AXDND1: variants seen among roughly 807,000 people sequenced by gnomAD.
AXDND1 encodes axonemal dynein light chain domain-containing protein 1.
Under a neutral mutation model 137.5 loss-of-function variants are expected in AXDND1, and 110 were observed. The ratio of observed to expected loss-of-function variants is 0.80; its 90% CI spans 0.69 to 0.94. The LOEUF (loss-of-function observed/expected upper bound fraction) is 0.94. Among genes scored for constraint, AXDND1 ranks in the 40% least tolerant of loss-of-function variants. The probability of loss-of-function intolerance (pLI) is 0.00; values close to 1 mark genes in which losing one functional copy is unlikely to be tolerated. For synonymous variants in AXDND1, 414 were observed against 399.7 expected (o/e 1.04, Z -0.43); for missense variants, 1,191 against 1,169.8 (o/e 1.02, Z -0.26).
intron 16 of AXDND1, chr1:179,448,632 G>A (rs559237263): frequency 4.1e-5 from 10 of 245,132 alleles, no homozygotes; most frequent in East Asian, 2.4e-4. Flanking sequence ...CGCCGCCAGC[G>A]CTCCGCACTG....
At position 179,383,504 on chromosome 1, in the gene AXDND1, G is replaced by C; in HGVS notation, c.701G>C (p.Arg234Thr). ...LNDVMDTMLE[R>T]AGVENQEYTG... ...GATGTGATGGATACTATGCTAGAGA[G>C]GGCTGGTGTGGAAAATCAGGAATAT... The change falls in exon 8 of 26, where the codon AGG becomes ACG. Residue 234 changes from arginine (R) to threonine (T), a missense_variant. Transcript: ENST00000367618. The C allele has an allele frequency of 4.3e-6, 7 of 1,614,018 alleles. No individual in the cohort carries two copies. Among genetic ancestry groups the C allele is most frequent in the Non-Finnish European group, 5.9e-6 (7 of 1,179,932 alleles).
intron 25 of AXDND1, chr1:179,552,560 GC>G: frequency 6.7e-7 from 1 of 1,485,726 alleles, no homozygotes; most frequent in Non-Finnish European, 9.4e-7. Context: ...CCACGAGCAG[GC>G]CTTCCTAAAG....
chr1:179,462,702 T>A (rs901966545), intron 16 of AXDND1, among the ~76,000 whole-genome samples: 1 of 152,200 alleles, frequency 6.6e-6, no homozygotes, highest in East Asian at 1.9e-4. Flanking sequence ...AATTATTGCC[T>A]CAATTTCAGA....
intron 19 of AXDND1, among the ~76,000 whole-genome samples, chr1:179,492,215 C>T (rs1239986900): frequency 6.6e-6 from 1 of 152,086 alleles, no homozygotes; most frequent in East Asian, 1.9e-4. Flanking sequence ...CTGGGATTTA[C>T]AGGCATGCAC....
intron 16 of AXDND1, chr1:179,451,262 T>G (rs1660505251): frequency 6.6e-6 from 1 of 152,124 alleles, no homozygotes; most frequent in Admixed American, 6.5e-5. Context: ...CTTAACCTGC[T>G]CTTTAAGAGG....
chr1:179,551,754 A>G (rs891853778), intron 25 of AXDND1: 1 of 389,646 alleles, frequency 2.6e-6, no homozygotes, highest in Non-Finnish European at 4.7e-6. Context: ...AGAAAAGATT[A>G]GCCAGCATTC....
At chr1:179,396,779 G>A (rs1651145711) in intron 11 of AXDND1, among the ~76,000 whole-genome samples, 1 of 152,014 alleles carries the variant, frequency 6.6e-6, no homozygotes, top group Admixed American at 6.6e-5. Flanking sequence ...TATAATTTAT[G>A]TATTAATGTA....
chr1:179,452,406 C>G (rs918903440), intron 16 of AXDND1: 2 of 151,730 alleles, frequency 1.3e-5, no homozygotes, highest in Admixed American at 1.3e-4. Context: ...AAAGAAAATC[C>G]CGCCGGGCGC....
chr1:179,512,768 G>A (rs1256803097), intron 21 of AXDND1, among the ~76,000 whole-genome samples: 1 of 151,956 alleles, frequency 6.6e-6, no homozygotes, highest in Non-Finnish European at 1.5e-5. Flanking sequence ...TCCTTATAGA[G>A]GTCTTTTGCC....
At chr1:179,512,179 A>G (rs1325481151) in intron 21 of AXDND1, among the ~76,000 whole-genome samples, 2 of 152,048 alleles carry the variant, frequency 1.3e-5, no homozygotes, top group Non-Finnish European at 2.9e-5. Context: ...TTATGTCTAG[A>G]ATTTTTATAG....
chr1:179,538,639 G>A (rs1671786238), intron 25 of AXDND1, among the ~76,000 whole-genome samples: 3 of 152,170 alleles, frequency 2.0e-5, no homozygotes, highest in Non-Finnish European at 4.4e-5. Context: ...GAATAAGTGT[G>A]ATGTGGTGCT....
chr1:179,433,524 C>T (rs973095177), intron 15 of AXDND1, among the ~76,000 whole-genome samples: 2 of 152,264 alleles, frequency 1.3e-5, no homozygotes, highest in African/African-American at 2.4e-5. Context: ...TCCATCTTAA[C>T]GCTGCTTTAG....
At chr1:179,533,917 G>T in intron 24 of AXDND1, 40 bp downstream of exon 24, 11 of 1,570,364 alleles carry the variant, frequency 7.0e-6, no homozygotes, top group Non-Finnish European at 9.6e-6. Context: ...GATGAAAATG[G>T]CTGGCCAGAA....
chr1:179,407,114 G>A (rs1053891469), intron 11 of AXDND1, among the ~76,000 whole-genome samples: 2 of 152,092 alleles, frequency 1.3e-5, no homozygotes, highest in Admixed American at 6.6e-5. Context: ...GGCTGGTCTA[G>A]TGGTGATGAA....
chr1:179,448,141 A>G, intron 16 of AXDND1: 2 of 964,872 alleles, frequency 2.1e-6, no homozygotes, highest in Non-Finnish European at 3.4e-6. Context: ...GTTAGCACAC[A>G]TGAAGTATCA....
intron 25 of AXDND1, chr1:179,552,687 A>G: frequency 6.2e-7 from 1 of 1,612,288 alleles, no homozygotes; most frequent in Non-Finnish European, 8.5e-7. Flanking sequence ...CTTTACTGAA[A>G]AAGAAAGAAT....
chr1:179,530,094 A>G (rs1045895609), intron 23 of AXDND1, among the ~76,000 whole-genome samples: 4 of 152,112 alleles, frequency 2.6e-5, no homozygotes, highest in African/African-American at 7.2e-5. Context: ...CAATGGTGCA[A>G]TCTCGGCTCA....
At chr1:179,503,035 C>T (rs1025118473) in intron 20 of AXDND1, among the ~76,000 whole-genome samples, 4 of 148,314 alleles carry the variant, frequency 2.7e-5, no homozygotes, top group Admixed American at 6.8e-5. Flanking sequence ...GCGGAGGTTG[C>T]GGTGAGGTGA....
rs760849833 is a variant in AXDND1, at chr1:179,491,554, T to C, written c.2108T>C (p.Ile703Thr). 1.9e-6 allele frequency: 3 copies of C among 1,605,202 alleles called. No individual in the cohort carries two copies. The highest frequency in any genetic ancestry group is 2.6e-6 in the Non-Finnish European group (3 of 1,172,372). Residue 703 changes from isoleucine (I) to threonine (T), a missense_variant, in exon 19 of 26, where the codon ATA becomes ACA. By Grantham distance (89) the Ile-to-Thr change is moderately conservative. Coordinates refer to ENST00000367618, the MANE Select transcript of AXDND1 (RefSeq NM_144696.6). ...ELQHHMDELHISMIQWMVNLL... is the reference protein window; with the variant it reads ...ELQHHMDELHTSMIQWMVNLL... ...TTTTAACAGATGGATGAGTTACATA[T>C]ATCTATGATCCAGTGGATGGTAAAC...
Sources: gnomAD v4.1 joint callset for allele counts (sites outside exome capture counted in the v4.1 genomes callset) on GRCh38, gnomAD v4.1.1 for gene constraint, MANE v1.5 for transcripts, NCBI Gene and HGNC (gene_info 2026-07-23, HGNC 2026-07-21) for gene names.